The following CT45A1 variants were observed in gnomAD, a reference collection of about 807,000 sequenced individuals.
CT45A1 encodes cancer/testis antigen family 45 member A1.
chrX:135,712,438 A>C (rs2087940253), upstream of CT45A1, among the ~76,000 whole-genome samples: 1 of 108,594 alleles, frequency 9.2e-6, no homozygotes, highest in Non-Finnish European at 1.9e-5. Context: ...GCTGGGGTAC[A>C]GGCATGAGCC....
chrX:135,713,541 A>C (rs1400660114), upstream of CT45A1: 2 of 733,984 alleles, frequency 2.7e-6, no homozygotes, highest in African/African-American at 5.0e-5. Context: ...TTCTGGTGAG[A>C]CGCCTCCCCA....
upstream of CT45A1, among the ~76,000 whole-genome samples, chrX:135,711,952 A>T: frequency 1.8e-5 from 2 of 109,611 alleles, no homozygotes; most frequent in Admixed American, 2.0e-4. Flanking sequence ...ATGGTGGTGC[A>T]TGCCTGTAAT....
upstream of CT45A1, among the ~76,000 whole-genome samples, chrX:135,712,976 T>C (rs2087945858): frequency 6.3e-5 from 1 of 15,949 alleles, no homozygotes; most frequent in Non-Finnish European, 1.2e-4. Flanking sequence ...TTTCTTTCTT[T>C]TCTTTCTCCT....
chrX:135,718,017 C>T (rs1373197185), intron 1 of CT45A1, among the ~76,000 whole-genome samples: 1 of 112,000 alleles, frequency 8.9e-6, no homozygotes, highest in East Asian at 2.8e-4. Context: ...TGATACGTCA[C>T]TATGAAGTAT....
upstream of CT45A1, chrX:135,713,331 G>A: frequency 1.8e-5 from 3 of 163,224 alleles, no homozygotes; most frequent in Non-Finnish European, 3.0e-5. Flanking sequence ...TTATGTTGCT[G>A]TGCAGTTGTT....
At chrX:135,718,598 A>G (rs1351169172) in intron 1 of CT45A1, among the ~76,000 whole-genome samples, 3 of 110,473 alleles carry the variant, frequency 2.7e-5, no homozygotes, top group African/African-American at 9.8e-5. Flanking sequence ...TTATACAGCT[A>G]TTTTTCCTAA....
At chrX:135,715,621 TATA>T (rs2087980890) in intron 1 of CT45A1, among the ~76,000 whole-genome samples, 1 of 95,333 alleles carries the variant, frequency 1.0e-5, no homozygotes, top group South Asian at 4.5e-4. Flanking sequence ...CTTATATGTA[TATA>T]ATACTTATAT....
upstream of CT45A1, among the ~76,000 whole-genome samples, chrX:135,711,326 A>G (rs1227708798): frequency 1.8e-5 from 2 of 112,490 alleles, no homozygotes; most frequent in Non-Finnish European, 3.8e-5. Context: ...TGTGTTCTGT[A>G]AAGGTTCTGA....
Position 135,715,063 on chromosome X carries a change from C to T in CT45A1, c.-7+1373C>T, listed in dbSNP as rs782087234. 1.9e-4 allele frequency among the ~76,000 whole-genome samples: 20 copies of T among 104,927 alleles called. No homozygotes were observed. In the Admixed American group the frequency reaches 2.0e-3, roughly 10 times the overall value. The allele number at this position is 104,927 out of a possible 115,157, so 91.1% of individuals were successfully genotyped here. On this transcript the variant is annotated intron_variant, in intron 1 of 4. Coordinates refer to ENST00000594565, the MANE Select transcript of CT45A1 (RefSeq NM_001017417.3). ...TACAATTTTAGTATCTTCTATAAAT[C>T]TTTTTTGCTTTTACACGATCTCAAT...
chrX:135,714,921 T>C (rs1191709764), intron 1 of CT45A1, among the ~76,000 whole-genome samples: 5 of 106,696 alleles, frequency 4.7e-5, no homozygotes, highest in Non-Finnish European at 5.8e-5. Context: ...GGTATTTTCC[T>C]CCAGCTTTTA....
chrX:135,718,109 C>A (rs1390519174), intron 1 of CT45A1, among the ~76,000 whole-genome samples: 1 of 111,856 alleles, frequency 8.9e-6, no homozygotes, highest in Non-Finnish European at 1.9e-5. Context: ...GTTTTTATCA[C>A]GAATGGACTT....
chrX:135,718,539 AAT>A (rs1382937334), intron 1 of CT45A1, among the ~76,000 whole-genome samples: 1 of 110,559 alleles, frequency 9.0e-6, no homozygotes, highest in Admixed American at 9.8e-5. Flanking sequence ...TATAATGTAT[AAT>A]ATATAGTTTA....
chrX:135,712,996 C>CCTTCCTTCCTTCCTCTCTCTCT (rs1156263810), upstream of CT45A1, among the ~76,000 whole-genome samples: 4 of 57,608 alleles, frequency 6.9e-5, no homozygotes, highest in African/African-American at 2.6e-4. Flanking sequence ...TTCCTTCCTT[C>CCTTCCTTCCTTCCTCTCTCTCT]CTCTCTCTCT....
intron 1 of CT45A1, among the ~76,000 whole-genome samples, chrX:135,715,261 A>AATACTTATATATAT (rs1491449426): frequency 1.7e-4 from 15 of 86,687 alleles, no homozygotes; most frequent in African/African-American, 6.6e-4. Flanking sequence ...ATATATATAT[A>AATACTTATATATAT]ATACTTATAT....
intron 1 of CT45A1, among the ~76,000 whole-genome samples, chrX:135,718,176 G>C (rs1470951071): frequency 1.8e-5 from 2 of 111,971 alleles, no homozygotes; most frequent in African/African-American, 6.5e-5. Context: ...TGTTGCTGTT[G>C]TTGTTGTTGT....
intron 1 of CT45A1, among the ~76,000 whole-genome samples, chrX:135,715,083 C>T (rs2087967397): frequency 9.6e-6 from 1 of 104,121 alleles, no homozygotes; most frequent in South Asian, 4.1e-4. Flanking sequence ...TTTACACGAT[C>T]TCAATAATGT....
chrX:135,712,887 GTTTCTTTCTTTCTTTCTTC>G (rs1242337770), upstream of CT45A1, among the ~76,000 whole-genome samples: 1 of 108,598 alleles, frequency 9.2e-6, no homozygotes, highest in Non-Finnish European at 1.9e-5. Context: ...TGATGTTGTC[GTTTCTTTCTTTCTTTCTTC>G]TTTCTTTCTT....
At chrX:135,710,584 C>A (rs2087928744), upstream of CT45A1, among the ~76,000 whole-genome samples, 1 of 112,135 alleles carries the variant, frequency 8.9e-6, no homozygotes, top group Admixed American at 9.4e-5. Flanking sequence ...GTTCACTCAG[C>A]AATGACTGTA....
At chrX:135,712,017 G>T (rs1556569710), upstream of CT45A1, among the ~76,000 whole-genome samples, 1 of 109,074 alleles carries the variant, frequency 9.2e-6, no homozygotes, top group Non-Finnish European at 1.9e-5. Context: ...GGAGGCGGAG[G>T]TTGCAGTGAG....
Sources: gnomAD v4.1 joint callset for allele counts (sites outside exome capture counted in the v4.1 genomes callset) on GRCh38, gnomAD v4.1.1 for gene constraint, MANE v1.5 for transcripts, NCBI Gene and HGNC (gene_info 2026-07-23, HGNC 2026-07-21) for gene names.